Variants in NAP1L1 observed in about 807,000 individuals in gnomAD.
NAP1L1 encodes nucleosome assembly protein 1-like 1.
NAP1L1 carries 9 observed loss-of-function variants against 58.9 expected under a neutral mutation model. That is an observed-to-expected ratio of 0.15 (90% CI 0.09 to 0.27). The LOEUF (loss-of-function observed/expected upper bound fraction) is 0.27. NAP1L1 is among the 10% of genes least tolerant of loss of function. The pLI, the probability that NAP1L1 is intolerant of heterozygous loss-of-function variation, is 1.00. For missense variants in NAP1L1, 302 were observed against 458.8 expected, an observed-to-expected ratio of 0.66 and a Z score of 3.12; for synonymous variants, 130 against 138.3, an observed-to-expected ratio of 0.94 and a Z score of 0.42.
At position 76,042,016 on chromosome 12, in the gene NAP1L1, T is replaced by C. The variant is rs539837454; in HGVS notation, c.*6413A>G. ...AAAATAAAACAAGAAAGGAATGAGA[T>C]GAGATTTTCAAACCTAGCTCACTTT... On this transcript the variant is annotated 3_prime_UTR_variant, in exon 15 of 15. Coordinates refer to ENST00000618691, the MANE Select transcript of NAP1L1 (RefSeq NM_004537.7). 2.0e-5 allele frequency: 3 copies of C among 152,272 alleles called. No individual in the cohort carries two copies. The highest frequency in any genetic ancestry group is 1.9e-4 in the East Asian group (1 of 5,184). 9.4% of individuals were successfully genotyped at this position (152,272 alleles called of 1,614,324 possible).
In NAP1L1 at chr12:76,039,523, G is replaced by A. The variant is rs1948530793; in HGVS notation, c.*8906C>T. The A allele has an allele frequency of 6.6e-6, 1 of 152,166 alleles. No individual in the cohort carries two copies. Among genetic ancestry groups the A allele is most frequent in the African/African-American group, 2.4e-5 (1 of 41,428 alleles). 9.4% of individuals were successfully genotyped at this position (152,166 alleles called of 1,614,324 possible). ...TAATAAATACAAACTCTTCAGGGCA[G>A]GGGAGAGAAAAAGGAAAGATTATCT... On this transcript the variant is annotated 3_prime_UTR_variant, in exon 15 of 15. Transcript: ENST00000618691.
At chr12:76,053,714 T>C in intron 9 of NAP1L1, 56 bp downstream of exon 9, 1 of 1,567,334 alleles carries the variant, frequency 6.4e-7, no homozygotes, top group Non-Finnish European at 8.7e-7. Flanking sequence ...AGTATACAAA[T>C]CAAGTATAAC....
At position 76,053,652 on chromosome 12, in the gene NAP1L1, T is replaced by C. The variant is rs1948942843; in HGVS notation, c.770+118A>G. 14 of 1,244,446 alleles carry C rather than the reference T, an allele frequency of 1.1e-5. No individual in the cohort carries two copies. The South Asian group carries it at 2.0e-4, about 18-fold the overall frequency. The allele number at this position is 1,244,446 out of a possible 1,614,324, so 77.1% of individuals were successfully genotyped here. ...TGATAAGCACTTTTCAGAAAACATA[T>C]TACCAAAATGTTCAGAGACAGACTA... is the stretch of plus-strand genomic sequence containing the variant. On this transcript the variant is annotated intron_variant, in intron 9 of 14. Transcript: ENST00000618691.
intron 12 of NAP1L1, 109 bp from the exon 13 acceptor site, chr12:76,049,894 A>G: frequency 8.3e-7 from 1 of 1,199,516 alleles, no homozygotes; most frequent in Non-Finnish European, 1.2e-6. Flanking sequence ...GAGAAAACCT[A>G]CTTTCCTATC....
chr12:76,075,401 C>T (rs911746618), intron 1 of NAP1L1, among the ~76,000 whole-genome samples: 1 of 152,154 alleles, frequency 6.6e-6, no homozygotes, highest in Non-Finnish European at 1.5e-5. Context: ...CATGTGTTTA[C>T]TTTCATAGCA....
At position 76,039,284 on chromosome 12, in the gene NAP1L1, A is replaced by C. The variant is rs1948528382; in HGVS notation, c.*9145T>G. The C allele has an allele frequency of 6.6e-6, 1 of 152,176 alleles. No individual in the cohort carries two copies. Among genetic ancestry groups the C allele is most frequent in the Non-Finnish European group, 1.5e-5 (1 of 68,026 alleles). 9.4% of individuals were successfully genotyped at this position (152,176 alleles called of 1,614,324 possible). On this transcript the variant is annotated 3_prime_UTR_variant, in exon 15 of 15. Coordinates refer to ENST00000618691, the MANE Select transcript of NAP1L1 (RefSeq NM_004537.7). ...GAGAGGTTGGATGCCAGTAGCCTTT[A>C]GCCTCCTTCAGCCCATCCTGTACCT...
At chr12:76,064,206 A>G (rs1949553097) in intron 4 of NAP1L1, among the ~76,000 whole-genome samples, 1 of 152,186 alleles carries the variant, frequency 6.6e-6, no homozygotes, top group East Asian at 1.9e-4. Flanking sequence ...CCCAAAAAAC[A>G]TTATAAAACA....
At chr12:76,054,392 A>C (rs1415455087) in intron 8 of NAP1L1, among the ~76,000 whole-genome samples, 1 of 152,210 alleles carries the variant, frequency 6.6e-6, no homozygotes, top group Non-Finnish European at 1.5e-5. Flanking sequence ...AAATCAAAAA[A>C]ATTACGTTAA....
chr12:76,059,766 T>C (rs1404616740), intron 6 of NAP1L1, 32 bp downstream of exon 6: 4 of 1,459,414 alleles, frequency 2.7e-6, no homozygotes, highest in Non-Finnish European at 3.8e-6. Flanking sequence ...TTTATCATCT[T>C]AAAAACATAC....
intron 9 of NAP1L1, 132 bp from the exon 10 acceptor site, chr12:76,053,482 T>TA: frequency 9.3e-7 from 1 of 1,070,906 alleles, no homozygotes; most frequent in South Asian, 1.7e-5. Context: ...TATAGCAGTA[T>TA]AAAGGGAAAA....
chr12:76,055,289 A>G (rs1330917497), intron 7 of NAP1L1, among the ~76,000 whole-genome samples, 199 bp from the exon 8 acceptor site: 1 of 152,230 alleles, frequency 6.6e-6, no homozygotes, highest in East Asian at 1.9e-4. Flanking sequence ...CCACTGGTAG[A>G]GAAAAAGTGT....
rs2136936293 is a variant in NAP1L1 at position 76,043,917 on chromosome 12, A to C, written c.*4512T>G. On this transcript the variant is annotated 3_prime_UTR_variant, in exon 15 of 15. Transcript: ENST00000618691. Reference sequence around the variant, plus strand: ...AATAAGACCTTCAACTCTGGATATGAGATCTGTCGACTTCTGGCACTCACG... The same window carrying C: ...AATAAGACCTTCAACTCTGGATATGCGATCTGTCGACTTCTGGCACTCACG... The C allele has an allele frequency of 6.6e-6, 1 of 152,328 alleles. No homozygotes were observed. Among genetic ancestry groups the C allele is most frequent in the South Asian group, 2.1e-4 (1 of 4,826 alleles). 9.4% of individuals were successfully genotyped at this position (152,328 alleles called of 1,614,324 possible). A position where few individuals can be genotyped will look rare whatever the true frequency, so the allele number is the denominator to read the frequency against.
intron 6 of NAP1L1, chr12:76,059,449 T>A (rs1949299427): frequency 4.4e-6 from 1 of 226,932 alleles, no homozygotes; most frequent in African/African-American, 2.3e-5. Flanking sequence ...AGCAATTATG[T>A]CTTTTCACAA....
chr12:76,080,377 G>A (rs1442613410), intron 1 of NAP1L1, among the ~76,000 whole-genome samples: 1 of 152,110 alleles, frequency 6.6e-6, no homozygotes, highest in Non-Finnish European at 1.5e-5. Flanking sequence ...GCTTTTTGTG[G>A]TTAGAGTACA....
At position 76,066,125 on chromosome 12, in the gene NAP1L1, TAAATAAATAAATAAACAAAC is replaced by T. The variant is rs1241932432; in HGVS notation, c.206+1226_206+1245del. ...ATAAATAAATAAATAAATAAATAAA[TAAATAAATAAATAAACAAAC>T]AAACAAACAAACCTGGCTCAAAAAA... On this transcript the variant is annotated intron_variant, in intron 4 of 14. Transcript: ENST00000618691. 1.5e-3 allele frequency among the ~76,000 whole-genome samples: 174 copies of T among 115,100 alleles called. 1 individual carries two copies. The highest frequency in any genetic ancestry group is 3.4e-3 in the Admixed American group (37 of 10,998). The allele number at this position is 115,100 out of a possible 152,430, so 75.5% of individuals were successfully genotyped here.
chr12:76,066,987 G>C (rs10880033), intron 4 of NAP1L1, among the ~76,000 whole-genome samples: 83,734 of 151,754 alleles, frequency 0.55, 24,800 homozygotes, highest in East Asian at 0.96. Context: ...TAACTGAATG[G>C]ATCTTAAAAT....
rs1406373030 is a variant in NAP1L1 at position 76,040,332 on chromosome 12, AACT to A, written c.*8094_*8096del. Reference sequence around the variant, plus strand: ...ATGCCTTCCCTTGACTTTAAAAAACAACTAAGTTGACTCTTGAATATCAAATTT... The same window carrying A: ...ATGCCTTCCCTTGACTTTAAAAAACAAAGTTGACTCTTGAATATCAAATTT... On this transcript the variant is annotated 3_prime_UTR_variant, in exon 15 of 15. Coordinates refer to ENST00000618691, the MANE Select transcript of NAP1L1 (RefSeq NM_004537.7). 3 of 152,148 alleles carry A rather than the reference AACT, an allele frequency of 2.0e-5. 1 individual carries two copies. The highest frequency in any genetic ancestry group is 7.2e-5 in the African/African-American group (3 of 41,422). The allele number at this position is 152,148 out of a possible 1,614,324, so 9.4% of individuals were successfully genotyped here. A position where few individuals can be genotyped will look rare whatever the true frequency, so the allele number is the denominator to read the frequency against.
At chr12:76,053,666 A>G in intron 9 of NAP1L1, 104 bp downstream of exon 9, 3 of 1,343,822 alleles carry the variant, frequency 2.2e-6, no homozygotes, top group Non-Finnish European at 3.0e-6. Context: ...CAAAATGTTC[A>G]GAGACAGACT....
chr12:76,057,818 A>G (rs1949189518), intron 6 of NAP1L1: 4 of 1,547,466 alleles, frequency 2.6e-6, no homozygotes, highest in Non-Finnish European at 3.5e-6. Context: ...GAGGAGAAGA[A>G]AAAACAGAAG....
Sources: gnomAD v4.1 joint callset for allele counts (sites outside exome capture counted in the v4.1 genomes callset) on GRCh38, gnomAD v4.1.1 for gene constraint, MANE v1.5 for transcripts, NCBI Gene and HGNC (gene_info 2026-07-23, HGNC 2026-07-21) for gene names.